EPHA6: variants seen among roughly 807,000 people sequenced by gnomAD.
EPHA6 encodes ephrin type-A receptor 6.
Under a neutral mutation model 112.0 loss-of-function variants are expected in EPHA6, and 50 were observed. The observed-to-expected ratio is 0.45, with a 90% CI of 0.36 to 0.56. The LOEUF is 0.56. Among genes scored for constraint, EPHA6 ranks in the 20% least tolerant of loss-of-function variants. EPHA6 has a pLI of 0.00. For missense variants in EPHA6, 1,280 were observed against 1,417.4 expected, an observed-to-expected ratio of 0.90 and a Z score of 1.56; for synonymous variants, 529 against 490.7, an observed-to-expected ratio of 1.08 and a Z score of -1.03.
At chr3:97,224,379 T>G (rs1421237573) in intron 3 of EPHA6, among the ~76,000 whole-genome samples, 1 of 152,210 alleles carries the variant, frequency 6.6e-6, no homozygotes, top group African/African-American at 2.4e-5. Flanking sequence ...TTCTAAGCAT[T>G]CTGAAAAGAT....
intron 3 of EPHA6, among the ~76,000 whole-genome samples, chr3:97,179,760 T>TCTCTCTCC (rs1559778051): frequency 7.2e-6 from 1 of 138,576 alleles, no homozygotes; most frequent in African/African-American, 2.6e-5. Context: ...TCTCTCTCTC[T>TCTCTCTCC]CCTGAACCAC....
intron 2 of EPHA6, among the ~76,000 whole-genome samples, chr3:96,925,781 A>G (rs932424390): frequency 2.0e-5 from 3 of 151,514 alleles, no homozygotes; most frequent in Non-Finnish European, 2.9e-5. Context: ...AATTTTTGTA[A>G]TTTTAGTAGA....
chr3:97,075,472 G>A (rs2046487555), intron 3 of EPHA6, among the ~76,000 whole-genome samples: 1 of 151,886 alleles, frequency 6.6e-6, no homozygotes, highest in South Asian at 2.1e-4. Flanking sequence ...TTAGCTTCTA[G>A]AAAACCTAAA....
At chr3:97,574,451 A>T (rs2093364135) in intron 11 of EPHA6, among the ~76,000 whole-genome samples, 1 of 152,158 alleles carries the variant, frequency 6.6e-6, no homozygotes, top group Non-Finnish European at 1.5e-5. Flanking sequence ...AGCAGGAAAC[A>T]CATATAAGAA....
chr3:97,417,309 G>A (rs2088204461), intron 6 of EPHA6, among the ~76,000 whole-genome samples: 1 of 151,932 alleles, frequency 6.6e-6, no homozygotes, highest in African/African-American at 2.4e-5. Flanking sequence ...GGCCTCCCTG[G>A]AGAAAAGCGC....
chr3:97,677,221 CAT>C (rs2031466955), intron 14 of EPHA6, among the ~76,000 whole-genome samples: 1 of 152,116 alleles, frequency 6.6e-6, no homozygotes, highest in African/African-American at 2.4e-5. Context: ...AGAAGTGCTA[CAT>C]GTGTAAAATA....
intron 11 of EPHA6, among the ~76,000 whole-genome samples, chr3:97,536,087 A>G (rs1346404942): frequency 2.0e-5 from 3 of 152,170 alleles, no homozygotes; most frequent in Non-Finnish European, 4.4e-5. Context: ...ACCCATAACC[A>G]TATGCTTAGT....
At chr3:97,283,140 T>C (rs1433330559) in intron 5 of EPHA6, among the ~76,000 whole-genome samples, 1 of 152,244 alleles carries the variant, frequency 6.6e-6, no homozygotes, top group Non-Finnish European at 1.5e-5. Flanking sequence ...TTAGATTTTT[T>C]GCATTATTCT....
At chr3:97,216,459 C>T (rs781776812) in intron 3 of EPHA6, among the ~76,000 whole-genome samples, 1 of 152,184 alleles carries the variant, frequency 6.6e-6, no homozygotes, top group African/African-American at 2.4e-5. Flanking sequence ...ATCCAAACCA[C>T]ATCAATGTCA....
intron 3 of EPHA6, among the ~76,000 whole-genome samples, chr3:97,055,690 T>C (rs1380126968): frequency 6.6e-6 from 1 of 152,172 alleles, no homozygotes; most frequent in Non-Finnish European, 1.5e-5. Context: ...ATTTTTCTAA[T>C]AGCAAATCAT....
intron 6 of EPHA6, among the ~76,000 whole-genome samples, chr3:97,407,901 CTTTG>C (rs995701595): frequency 2.0e-5 from 3 of 151,908 alleles, no homozygotes; most frequent in Admixed American, 6.6e-5. Context: ...TACCCTTTGT[CTTTG>C]TTTGTTTTGT....
At chr3:97,290,145 A>C (rs903601780) in intron 5 of EPHA6, among the ~76,000 whole-genome samples, 5 of 152,116 alleles carry the variant, frequency 3.3e-5, no homozygotes, top group African/African-American at 4.8e-5. Flanking sequence ...AGATTTTGGT[A>C]TGATGGGTCC....
intron 5 of EPHA6, among the ~76,000 whole-genome samples, chr3:97,250,095 AAAG>A (rs527956428): frequency 6.6e-4 from 101 of 152,308 alleles, no homozygotes; most frequent in African/African-American, 2.3e-3. Context: ...TAACTATATA[AAAG>A]AAGACTATTA....
intron 2 of EPHA6, among the ~76,000 whole-genome samples, chr3:96,885,595 G>A (rs900891704): frequency 1.8e-4 from 27 of 151,860 alleles, no homozygotes; most frequent in Admixed American, 1.1e-3. Flanking sequence ...TTGTTAGTGA[G>A]GTTATTTGGA....
At chr3:97,394,516 A>C (rs577144678) in intron 5 of EPHA6, among the ~76,000 whole-genome samples, 1 of 151,914 alleles carries the variant, frequency 6.6e-6, no homozygotes, top group Non-Finnish European at 1.5e-5. Context: ...TTTGTAAACT[A>C]TGAATGTGAA....
chr3:96,874,886 A>G (rs1209237499), intron 2 of EPHA6, among the ~76,000 whole-genome samples: 1 of 152,108 alleles, frequency 6.6e-6, no homozygotes, highest in Non-Finnish European at 1.5e-5. Context: ...ACCTGAAGTC[A>G]TGTGCAAGTA....
intron 3 of EPHA6, among the ~76,000 whole-genome samples, chr3:97,056,725 C>A (rs1044160578): frequency 6.6e-6 from 1 of 152,102 alleles, no homozygotes; most frequent in African/African-American, 2.4e-5. Context: ...GAGATCTTAG[C>A]CTCTGGAGTT....
chr3:96,905,208 A>G (rs1288385763), intron 2 of EPHA6, among the ~76,000 whole-genome samples: 1 of 152,138 alleles, frequency 6.6e-6, no homozygotes, highest in East Asian at 1.9e-4. Flanking sequence ...ATAGAATTTC[A>G]TCAAATTATA....
intron 2 of EPHA6, among the ~76,000 whole-genome samples, chr3:96,923,653 TTTC>T (rs2039888364): frequency 6.6e-6 from 1 of 152,206 alleles, no homozygotes; most frequent in Non-Finnish European, 1.5e-5. Context: ...AGCTCAATTT[TTTC>T]TTCTTTTGCA....
Sources: gnomAD v4.1 joint callset for allele counts (sites outside exome capture counted in the v4.1 genomes callset) on GRCh38, gnomAD v4.1.1 for gene constraint, MANE v1.5 for transcripts, NCBI Gene and HGNC (gene_info 2026-07-23, HGNC 2026-07-21) for gene names.